The following NBEA variants were observed in gnomAD, a reference collection of about 807,000 sequenced individuals.
NBEA encodes the protein lysosomal-trafficking regulator 2.
Under a neutral mutation model 343.4 loss-of-function variants are expected in NBEA, and 44 were observed. The ratio of observed to expected loss-of-function variants is 0.13; its 90% CI spans 0.10 to 0.16. The LOEUF (loss-of-function observed/expected upper bound fraction) is 0.16, where lower values mean the gene tolerates loss of function less well. Among genes scored for constraint, NBEA ranks in the 10% least tolerant of loss-of-function variants. NBEA has a pLI of 1.00. For synonymous variants in NBEA, 1,175 were observed against 1,238.7 expected, an observed-to-expected ratio of 0.95 and a Z score of 1.08; for missense variants, 2,555 against 3,631.3, an observed-to-expected ratio of 0.70 and a Z score of 7.62.
chr13:34,969,812 T>A (rs2059944044), intron 1 of NBEA, among the ~76,000 whole-genome samples: 1 of 152,046 alleles, frequency 6.6e-6, no homozygotes, highest in South Asian at 2.1e-4. Context: ...TGTATTGAAG[T>A]TAATTTCATG....
At position 35,514,387 on chromosome 13, in the gene NBEA, G is replaced by T. The variant is rs529832039; in HGVS notation, c.6586-36090G>T. On this transcript the variant is annotated intron_variant, in intron 41 of 58. Coordinates refer to ENST00000379939, the MANE Select transcript of NBEA (RefSeq NM_001385012.1). ...AGCTTGCATTAATATGCTCTAATCCGGTATAATTAGTCAAATTACTGCACG... is the reference window on the plus strand; with the variant it reads ...AGCTTGCATTAATATGCTCTAATCCTGTATAATTAGTCAAATTACTGCACG... Among the ~76,000 whole-genome samples, 3 of 152,138 alleles carry T rather than the reference G, an allele frequency of 2.0e-5. No individual in the cohort carries two copies. The East Asian group carries it at 5.8e-4, about 29-fold the overall frequency.
chr13:35,233,963 AACTT>A (rs1347839859), intron 34 of NBEA, among the ~76,000 whole-genome samples: 3 of 152,242 alleles, frequency 2.0e-5, no homozygotes, highest in South Asian at 4.1e-4. Context: ...TAAGTAATAA[AACTT>A]ACTTAATAAG....
Position 35,306,391 on chromosome 13 carries a change from T to C in NBEA, c.5839-3137T>C, listed in dbSNP as rs574749896. 3.4e-4 allele frequency among the ~76,000 whole-genome samples: 52 copies of C among 152,248 alleles called. No individual in the cohort carries two copies. The South Asian group carries it at 0.011, about 31-fold the overall frequency. ...AGTGACCTTTAAAAGGAAGATCCTC[T>C]AATTTCTTTGTCTCCTTTGTTTTCT... On this transcript the variant is annotated intron_variant, in intron 35 of 58. Transcript: ENST00000379939.
chr13:35,583,836 A>G (rs1400881023), intron 45 of NBEA, 62 bp from the exon 46 acceptor site: 11 of 1,222,590 alleles, frequency 9.0e-6, no homozygotes, highest in Non-Finnish European at 1.2e-5. Flanking sequence ...AAGTATAAAG[A>G]TTTATTATCT....
intron 49 of NBEA, among the ~76,000 whole-genome samples, chr13:35,643,093 T>C (rs935213946): frequency 1.4e-5 from 1 of 73,312 alleles, no homozygotes; most frequent in Non-Finnish European, 4.7e-5. Context: ...AGTAGTTTCT[T>C]TTTTTTTTTA....
intron 38 of NBEA, among the ~76,000 whole-genome samples, chr13:35,368,125 C>T (rs1159139992): frequency 6.6e-6 from 1 of 151,500 alleles, no homozygotes; most frequent in Non-Finnish European, 1.5e-5. Context: ...TCTGTTGATA[C>T]CTACTTTAGT....
At chr13:35,307,014 A>G (rs544571926) in intron 35 of NBEA, among the ~76,000 whole-genome samples, 1 of 152,162 alleles carries the variant, frequency 6.6e-6, no homozygotes, top group East Asian at 1.9e-4. Context: ...AATCCAACAA[A>G]TTCAGACAAC....
rs576122385 is a variant in NBEA, at chr13:35,342,451, G to A, written c.5904-6657G>A. Among the ~76,000 whole-genome samples the A allele has an allele frequency of 2.7e-3, 407 of 152,110 alleles. 3 individuals carry two copies. The highest frequency in any genetic ancestry group is 9.1e-3 in the African/African-American group (380 of 41,534). Reference sequence around the variant, plus strand: ...TAGATGGTTTATCCCCAAGAGAACAGCAACTAAGAAACTTACAATGTATGC... The same window carrying A: ...TAGATGGTTTATCCCCAAGAGAACAACAACTAAGAAACTTACAATGTATGC... On this transcript the variant is annotated intron_variant, in intron 36 of 58. Transcript: ENST00000379939.
intron 38 of NBEA, among the ~76,000 whole-genome samples, chr13:35,388,622 G>A (rs956585110): frequency 3.9e-5 from 6 of 152,198 alleles, no homozygotes; most frequent in Admixed American, 3.3e-4. Context: ...AAGAATATCT[G>A]GCAGTCATTT....
Position 35,162,344 on chromosome 13 carries a change from C to T in NBEA, c.4079+377C>T, listed in dbSNP as rs1485747213. On this transcript the variant is annotated intron_variant, in intron 23 of 58. Transcript: ENST00000379939. The stretch of plus-strand genomic sequence containing the variant: ...TAAGAGAGCACATCATTTACATAGG[C>T]ATGAATACAATTAGGAAGTCGATGG... 2.0e-5 allele frequency among the ~76,000 whole-genome samples: 3 copies of T among 152,232 alleles called. No homozygotes were observed. The East Asian group carries it at 5.8e-4, about 29-fold the overall frequency.
intron 49 of NBEA, among the ~76,000 whole-genome samples, chr13:35,639,477 C>G (rs2083839039): frequency 1.3e-5 from 2 of 151,734 alleles, no homozygotes; most frequent in African/African-American, 4.8e-5. Flanking sequence ...TATTTTTTTC[C>G]TATTTGGCAT....
In NBEA at chr13:35,208,622, A is replaced by C. The variant is rs149955296; in HGVS notation, c.5367-78A>C. Reference sequence around the variant, plus strand: ...GAGAGGGAGAAATTCGATGTTGACTATGTATATCTGTTGCAGCAGGATTAT... The same window carrying C: ...GAGAGGGAGAAATTCGATGTTGACTCTGTATATCTGTTGCAGCAGGATTAT... On this transcript the variant is annotated intron_variant, in intron 31 of 58. Coordinates refer to ENST00000379939, the MANE Select transcript of NBEA (RefSeq NM_001385012.1). 3.9e-5 allele frequency: 50 copies of C among 1,279,586 alleles called. No individual in the cohort carries two copies. The East Asian group carries it at 1.2e-3, about 30-fold the overall frequency. 79.3% of individuals were successfully genotyped at this position (1,279,586 alleles called of 1,614,324 possible).
intron 46 of NBEA, among the ~76,000 whole-genome samples, chr13:35,587,223 A>G (rs1248887505): frequency 3.9e-5 from 6 of 152,182 alleles, no homozygotes; most frequent in Non-Finnish European, 8.8e-5. Flanking sequence ...TTTGCTGCCT[A>G]GGGTCCACCC....
rs762180646 is a variant in NBEA at position 35,562,460 on chromosome 13, C to T, written c.6923-4445C>T. ...GCTAACACGGCTTTGTGTAAATGAT[C>T]CCCTGTTAAACTTGAGAATTTTTTT... On this transcript the variant is annotated intron_variant, in intron 44 of 58. Transcript: ENST00000379939. Among the ~76,000 whole-genome samples, 4 of 151,900 alleles carry T rather than the reference C, an allele frequency of 2.6e-5. No individual in the cohort carries two copies. In the South Asian group the frequency reaches 8.3e-4, roughly 32 times the overall value.
chr13:35,058,364 C>A (rs2063343559), intron 7 of NBEA, among the ~76,000 whole-genome samples: 1 of 152,044 alleles, frequency 6.6e-6, no homozygotes, highest in Non-Finnish European at 1.5e-5. Flanking sequence ...ATCAATCTCT[C>A]CATATATGGA....
chr13:35,008,795 T>C (rs1189079336), intron 1 of NBEA, among the ~76,000 whole-genome samples: 1 of 152,212 alleles, frequency 6.6e-6, no homozygotes, highest in Admixed American at 6.5e-5. Flanking sequence ...CTACTTAATA[T>C]ATTTGGCCTT....
intron 1 of NBEA, among the ~76,000 whole-genome samples, chr13:35,006,808 A>G (rs566059506): frequency 2.0e-5 from 3 of 152,292 alleles, no homozygotes; most frequent in African/African-American, 7.2e-5. Flanking sequence ...GCTGGAGTGC[A>G]GTGGCACGAT....
chr13:34,959,227 G>T (rs1000696832), intron 1 of NBEA, among the ~76,000 whole-genome samples: 1 of 151,942 alleles, frequency 6.6e-6, no homozygotes, highest in African/African-American at 2.4e-5. Flanking sequence ...AGTTTCTTTA[G>T]AGTATCTATT....
intron 48 of NBEA, among the ~76,000 whole-genome samples, 194 bp from the exon 49 acceptor site, chr13:35,627,887 G>T (rs1420346998): frequency 6.6e-6 from 1 of 151,874 alleles, no homozygotes; most frequent in Non-Finnish European, 1.5e-5. Flanking sequence ...TTTCATTTAG[G>T]TGTCTGTAAA....
Sources: gnomAD v4.1 joint callset for allele counts (sites outside exome capture counted in the v4.1 genomes callset) on GRCh38, gnomAD v4.1.1 for gene constraint, MANE v1.5 for transcripts, NCBI Gene and HGNC (gene_info 2026-07-23, HGNC 2026-07-21) for gene names.